LYZL2: variants seen among roughly 807,000 people sequenced by gnomAD.
LYZL2 encodes lysozyme like 2, also known as lysozyme-like protein 2.
In LYZL2, 13 loss-of-function variants were observed where a neutral mutation model predicts 17.1. The ratio of observed to expected loss-of-function variants is 0.76; its 90% CI spans 0.49 to 1.21. The LOEUF is 1.21. Among genes scored for constraint, LYZL2 ranks in the 50% most tolerant of loss-of-function variants. LYZL2 has a pLI of 0.00. For synonymous variants in LYZL2, 63 were observed against 74.4 expected (o/e 0.85, Z 0.79); for missense variants, 166 against 189.2 (o/e 0.88, Z 0.72).
At chr10:30,621,584 G>A (rs945627343) in intron 3 of LYZL2, among the ~76,000 whole-genome samples, 3 of 152,092 alleles carry the variant, frequency 2.0e-5, no homozygotes, top group East Asian at 3.8e-4. Flanking sequence ...GCACGACCCT[G>A]TCTCAAAACA....
In LYZL2 at chr10:30,626,955, G is replaced by A. The variant is rs1385730593; in HGVS notation, c.-25-15C>T. The A allele has an allele frequency of 1.2e-6, 2 of 1,612,528 alleles. No individual in the cohort carries two copies. The highest frequency in any genetic ancestry group is 8.5e-7 in the Non-Finnish European group (1 of 1,179,050). ...GGAGACAGAACCTGCCAAAGAGCCGGAGAACAGGTCAGACGATCTTGATTC... is the reference window on the plus strand; with the variant it reads ...GGAGACAGAACCTGCCAAAGAGCCGAAGAACAGGTCAGACGATCTTGATTC... On this transcript the variant is annotated splice_polypyrimidine_tract_variant and intron_variant, in intron 1 of 4. Transcript: ENST00000647634.
At chr10:30,629,390 T>C (rs1564411712) in intron 1 of LYZL2, among the ~76,000 whole-genome samples, 1 of 148,996 alleles carries the variant, frequency 6.7e-6, no homozygotes, top group South Asian at 2.1e-4. Context: ...TGACATCCTG[T>C]TTCAAAAAAA....
At chr10:30,610,915 T>C (rs551112296), downstream of LYZL2, among the ~76,000 whole-genome samples, 4 of 152,284 alleles carry the variant, frequency 2.6e-5, no homozygotes, top group South Asian at 6.2e-4. Context: ...TCCACATCTC[T>C]TGCGTGCGTG....
At chr10:30,606,475 G>T in the LYZL2 span, among the ~76,000 whole-genome samples, 2 of 150,414 alleles carry the variant, frequency 1.3e-5, no homozygotes, top group Non-Finnish European at 2.9e-5. Flanking sequence ...ACCTCAGCCT[G>T]CCAAGCAGCT....
Position 30,629,678 on chromosome 10 carries a change from A to G in LYZL2, c.-111T>C. On this transcript the variant is annotated 5_prime_UTR_variant, in exon 1 of 5. Coordinates refer to ENST00000647634, the MANE Select transcript of LYZL2 (RefSeq NM_183058.3). ...GAAACACTGCTCCACTTAGTCGGTG[A>G]CAGGCAGCTCAGGGGAGCGTCCTGC... The G allele has an allele frequency of 6.2e-7, 1 of 1,613,996 alleles. No homozygotes were observed.
chr10:30,617,930 T>C (rs963638770), intron 3 of LYZL2, among the ~76,000 whole-genome samples: 5 of 151,864 alleles, frequency 3.3e-5, no homozygotes, highest in South Asian at 2.1e-4. Context: ...AAAACCCCAT[T>C]GTCTCAGCCC....
intron 3 of LYZL2, among the ~76,000 whole-genome samples, chr10:30,623,870 T>C (rs1347029446): frequency 6.6e-6 from 1 of 152,218 alleles, no homozygotes; most frequent in East Asian, 1.9e-4. Context: ...TTCCACAGAC[T>C]GTTCCCTGGT....
chr10:30,621,778 G>T (rs767545303), intron 3 of LYZL2, among the ~76,000 whole-genome samples: 1 of 152,130 alleles, frequency 6.6e-6, no homozygotes, highest in African/African-American at 2.4e-5. Context: ...GAAGGAAAAC[G>T]ATATCAATTA....
Position 30,626,188 on chromosome 10 carries a change from T to G in LYZL2, c.215A>C (p.Tyr72Ser). 2 of 1,614,248 alleles carry G rather than the reference T, an allele frequency of 1.2e-6. No homozygotes were observed. The highest frequency in any genetic ancestry group is 1.7e-6 in the Non-Finnish European group (2 of 1,180,034). Residue 72 changes from tyrosine to serine, a missense_variant, in exon 3 of 5, where the codon TAC (tyrosine) becomes TCC (serine). Tyr to Ser is a moderately radical substitution (Grantham distance 144, BLOSUM62 -2). This residue lies in a region of LYZL2 where 134 missense variants were observed against 129.4 expected (regional missense o/e 1.04). Transcript: ENST00000647634. Reference sequence around the variant, plus strand: ...GAAGCTGTTGATCTGGAAGATGCCGTAGTCGATGCTGCCGTCATCCAGGAC... The same window carrying G: ...GAAGCTGTTGATCTGGAAGATGCCGGAGTCGATGCTGCCGTCATCCAGGAC... The part of the protein sequence containing the change: ...QTVLDDGSID[Y>S]GIFQINSFAW...
intron 3 of LYZL2, among the ~76,000 whole-genome samples, chr10:30,619,827 T>A (rs1354220534): frequency 6.6e-6 from 1 of 151,110 alleles, no homozygotes; most frequent in South Asian, 2.1e-4. Context: ...TAAAGTACAA[T>A]AATAAAAAAA....
intron 3 of LYZL2, among the ~76,000 whole-genome samples, chr10:30,624,811 C>A (rs1202339500): frequency 6.6e-6 from 1 of 152,232 alleles, no homozygotes. Flanking sequence ...CCTTGCATGG[C>A]AAAAGGGACT....
chr10:30,606,374 G>A, the LYZL2 span, among the ~76,000 whole-genome samples: 2 of 131,514 alleles, frequency 1.5e-5, no homozygotes, highest in African/African-American at 2.9e-5. Context: ...TTTTTTTAGA[G>A]ATAGGGTCTT....
intron 4 of LYZL2, 124 bp from the exon 5 acceptor site, chr10:30,612,148 T>A (rs1184946710): frequency 8.4e-7 from 1 of 1,189,840 alleles, no homozygotes; most frequent in African/African-American, 1.5e-5. Flanking sequence ...TTCATTTGCT[T>A]CTGAGATCAA....
intron 3 of LYZL2, 103 bp from the exon 4 acceptor site, chr10:30,613,003 G>A: frequency 1.2e-6 from 1 of 828,754 alleles, no homozygotes; most frequent in East Asian, 2.5e-5. Flanking sequence ...GGATGGGAAG[G>A]TTGGAAGAAC....
At chr10:30,625,778 A>G (rs1380991227) in intron 3 of LYZL2, among the ~76,000 whole-genome samples, 6 of 152,238 alleles carry the variant, frequency 3.9e-5, no homozygotes, top group Non-Finnish European at 8.8e-5. Flanking sequence ...TGCTTATGGA[A>G]AGCAGCTGGC....
intron 1 of LYZL2, among the ~76,000 whole-genome samples, chr10:30,627,617 A>G (rs1838735011): frequency 6.6e-6 from 1 of 152,202 alleles, no homozygotes; most frequent in Non-Finnish European, 1.5e-5. Context: ...GTAAGAATCC[A>G]GTATAGACAT....
In LYZL2 at chr10:30,612,915, G is replaced by A. The variant is rs765356010; in HGVS notation, c.299-15C>T. On this transcript the variant is annotated splice_polypyrimidine_tract_variant and intron_variant, in intron 3 of 4. Transcript: ENST00000647634. ...AGTGACCAAGGCTGTAAAAAGAGAG[G>A]TCATCAGGGTTAGGCGAGACTTTGT... 2 of 1,609,322 alleles carry A rather than the reference G, an allele frequency of 1.2e-6. No individual in the cohort carries two copies. Among genetic ancestry groups the A allele is most frequent in the Non-Finnish European group, 1.7e-6 (2 of 1,175,728 alleles).
At chr10:30,629,524 AT>A in intron 1 of LYZL2, 68 bp downstream of exon 1, 1 of 1,541,768 alleles carries the variant, frequency 6.5e-7, no homozygotes, top group Admixed American at 1.8e-5. Flanking sequence ...CATGTTCTAC[AT>A]CCTTCAAGAA....
chr10:30,615,649 T>A (rs1200183615), intron 3 of LYZL2, among the ~76,000 whole-genome samples: 1 of 152,234 alleles, frequency 6.6e-6, no homozygotes, highest in Non-Finnish European at 1.5e-5. Context: ...CAAATTATCA[T>A]GTTATTTACT....
Sources: allele counts gnomAD v4.1 joint callset (sites outside exome capture counted in the v4.1 genomes callset), GRCh38; gene constraint gnomAD v4.1.1; regional missense constraint gnomAD v4.1.1; transcripts MANE v1.5; gene names NCBI Gene and HGNC (gene_info 2026-07-23, HGNC 2026-07-21).